The following HAGHL variants were observed in gnomAD, a reference collection of about 807,000 sequenced individuals.
The protein encoded by HAGHL is hydroxyacylglutathione hydrolase like, also known as hydroxyacylglutathione hydrolase-like protein.
HAGHL carries 27 observed loss-of-function variants against 29.2 expected under a neutral mutation model. The observed-to-expected ratio is 0.92, with a 90% CI of 0.68 to 1.27. The LOEUF is 1.27. HAGHL is among the 50% of genes most tolerant of loss of function. The pLI is 0.00. For synonymous variants in HAGHL, 223 were observed against 185.7 expected (o/e 1.20, Z -1.63); for missense variants, 529 against 405.5 (o/e 1.30, Z -2.62).
At chr16:729,206 T>C in intron 7 of HAGHL, 82 bp from the exon 8 acceptor site, 1 of 1,554,158 alleles carries the variant, frequency 6.4e-7, no homozygotes, top group South Asian at 1.2e-5. Flanking sequence ...GCTCATTAAG[T>C]GCCTGCCTGC....
Position 728,327 on chromosome 16 carries a change from C to A in HAGHL, c.300C>A (p.Ile100=). The change falls in exon 4 of 8, where the codon ATC becomes ATA. Residue 100 remains isoleucine, a synonymous_variant. Transcript: ENST00000389703. The part of the protein sequence containing the change: ...AHGEELRFGA[I]HVRCLLTPGH... ...CTCCTCCGCCGCAGTTCGGGGCCAT[C>A]CACGTGCGTTGCCTCCTGACGCCCG... is the stretch of plus-strand genomic sequence containing the variant. 6.4e-7 allele frequency: 1 copy of A among 1,559,180 alleles called. No homozygotes were observed. The highest frequency in any genetic ancestry group is 8.6e-7 in the Non-Finnish European group (1 of 1,156,890).
rs775988672 is a variant in HAGHL at position 729,327 on chromosome 16, C to T, written c.720C>T (p.Pro240=). The change falls in exon 8 of 8, where the codon CCC becomes CCT. Residue 240 remains proline (P), a synonymous_variant. Transcript: ENST00000389703. ...PVRKFTGKAV[P]ADVLEALCKE... ...GCAAGTTCACGGGCAAGGCGGTCCC[C>T]GCCGACGTCCTGGAGGCGCTATGCA... 1 of 1,533,264 alleles carries T rather than the reference C, an allele frequency of 6.5e-7. No individual in the cohort carries two copies. 95.0% of individuals were successfully genotyped at this position (1,533,264 alleles called of 1,614,324 possible).
At position 728,550 on chromosome 16, in the gene HAGHL, C is replaced by T; in HGVS notation, c.444C>T (p.Ser148=). 6.6e-7 allele frequency: 1 copy of T among 1,525,812 alleles called. No individual in the cohort carries two copies. Among genetic ancestry groups the T allele is most frequent in the Non-Finnish European group, 8.8e-7 (1 of 1,142,686 alleles). 94.5% of individuals were successfully genotyped at this position (1,525,812 alleles called of 1,614,324 possible). ...GCTGCGGCTCGTGCCTGGAGGGCAG[C>T]GCCCAGCAGATGTACCAGAGCCTGG... The part of the protein sequence containing the change: ...VAGCGSCLEG[S]AQQMYQSLAE... The change falls in exon 5 of 8, where the codon AGC becomes AGT. Residue 148 remains serine (S), a synonymous_variant. Coordinates refer to ENST00000389703, the MANE Select transcript of HAGHL (RefSeq NM_032304.4).
In HAGHL at chr16:728,682, CAG is replaced by C. The variant is rs2041192951; in HGVS notation, c.498+81_498+82del. 3.9e-6 allele frequency: 5 copies of C among 1,278,914 alleles called. No individual in the cohort carries two copies. The African/African-American group carries it at 5.8e-5, about 15-fold the overall frequency. The allele number at this position is 1,278,914 out of a possible 1,614,324, so 79.2% of individuals were successfully genotyped here. A position where few individuals can be genotyped will look rare whatever the true frequency, so the allele number is the denominator to read the frequency against. On this transcript the variant is annotated intron_variant, in intron 5 of 7. Transcript: ENST00000389703. ...CCGCACCCTCACTGTGCTAGGGGTGCAGAGTGAATGCCCACCTGAGGGCAGAC... is the reference window on the plus strand; with the variant it reads ...CCGCACCCTCACTGTGCTAGGGGTGCAGTGAATGCCCACCTGAGGGCAGAC...
rs1282636290 is a variant in HAGHL at position 728,516 on chromosome 16, C to G, written c.410C>G (p.Ser137Trp). The change falls in exon 5 of 8, where the codon TCG (serine) becomes TGG (tryptophan). Residue 137 changes from serine (S) to tryptophan (W), a missense_variant. Coordinates refer to ENST00000389703, the MANE Select transcript of HAGHL (RefSeq NM_032304.4). ...CCTCCCCCGCCAGGCGACGCGCTGTCGGTGGCCGGCTGCGGCTCGTGCCTG... is the reference window on the plus strand; with the variant it reads ...CCTCCCCCGCCAGGCGACGCGCTGTGGGTGGCCGGCTGCGGCTCGTGCCTG... Reference protein sequence around the residue: ...PPALFSGDALSVAGCGSCLEG... With the variant: ...PPALFSGDALWVAGCGSCLEG... The G allele has an allele frequency of 6.5e-6, 10 of 1,531,246 alleles. No homozygotes were observed. Among genetic ancestry groups the G allele is most frequent in the Non-Finnish European group, 8.7e-6 (10 of 1,144,814 alleles). The allele number at this position is 1,531,246 out of a possible 1,614,324, so 94.9% of individuals were successfully genotyped here.
In HAGHL at chr16:729,606, G is replaced by A. The variant is rs183595960; in HGVS notation, c.*150G>A. On this transcript the variant is annotated 3_prime_UTR_variant, in exon 8 of 8. Transcript: ENST00000389703. ...GAGGGTGGGCAACCTGGTGCTTCCC[G>A]GGTGGACACACAGGACCACTCAGTG... The A allele has an allele frequency of 6.0e-5, 92 of 1,530,088 alleles. No homozygotes were observed. In the African/African-American group the frequency reaches 7.1e-4, roughly 12 times the overall value. The allele number at this position is 1,530,088 out of a possible 1,614,324, so 94.8% of individuals were successfully genotyped here.
chr16:727,246 G>A lies in HAGHL; in HGVS notation c.-264G>A. 2 of 400,962 alleles carry A rather than the reference G, an allele frequency of 5.0e-6. No individual in the cohort carries two copies. Among genetic ancestry groups the A allele is most frequent in the South Asian group, 3.5e-5 (1 of 28,710 alleles). The allele number at this position is 400,962 out of a possible 1,614,324, so 24.8% of individuals were successfully genotyped here. Reference sequence around the variant, plus strand: ...CTGGGAGGAAGGCGTGGCCTTTGGGGACTGGGGCTCGGACTGGGGGCGGAG... The same window carrying A: ...CTGGGAGGAAGGCGTGGCCTTTGGGAACTGGGGCTCGGACTGGGGGCGGAG... On this transcript the variant is annotated 5_prime_UTR_variant, in exon 1 of 8. Transcript: ENST00000389703.
In HAGHL at chr16:729,294, G is replaced by A. The variant is rs1826532097; in HGVS notation, c.687G>A (p.Glu229=). ...ACTGCACCCCTCCCTGCAGAGAGGA[G>A]CCGGTGCGCAAGTTCACGGGCAAGG... is the stretch of plus-strand genomic sequence containing the variant. ...LYNPFLRVAE[E]PVRKFTGKAV... The change falls in exon 8 of 8, where the codon GAG becomes GAA. Residue 229 remains glutamate (E), a synonymous_variant. Coordinates refer to ENST00000389703, the MANE Select transcript of HAGHL (RefSeq NM_032304.4). 4 of 1,525,330 alleles carry A rather than the reference G, an allele frequency of 2.6e-6. No individual in the cohort carries two copies. Among genetic ancestry groups the A allele is most frequent in the Non-Finnish European group, 3.5e-6 (4 of 1,137,262 alleles). 94.5% of individuals were successfully genotyped at this position (1,525,330 alleles called of 1,614,324 possible). A position where few individuals can be genotyped will look rare whatever the true frequency, so the allele number is the denominator to read the frequency against.
At position 728,215 on chromosome 16, in the gene HAGHL, G is replaced by A. The variant is rs1039103773; in HGVS notation, c.270G>A (p.Ala90=). 6.9e-7 allele frequency: 1 copy of A among 1,456,352 alleles called. No homozygotes were observed. Among genetic ancestry groups the A allele is most frequent in the Admixed American group, 2.6e-5 (1 of 37,796 alleles). 90.2% of individuals were successfully genotyped at this position (1,456,352 alleles called of 1,614,324 possible). A position where few individuals can be genotyped will look rare whatever the true frequency, so the allele number is the denominator to read the frequency against. ...ERIFSLTRRL[A]HGEELRFGAI... Reference sequence around the variant, plus strand: ...TCTTCTCGCTGACGCGCAGGCTGGCGCACGGCGAGGAGCTGCGGGTGAGCG... The same window carrying A: ...TCTTCTCGCTGACGCGCAGGCTGGCACACGGCGAGGAGCTGCGGGTGAGCG... The change falls in exon 3 of 8, where the codon GCG becomes GCA. Residue 90 remains alanine, a synonymous_variant. Coordinates refer to ENST00000389703, the MANE Select transcript of HAGHL (RefSeq NM_032304.4).
intron 5 of HAGHL, 31 bp downstream of exon 5, chr16:728,635 C>T: frequency 5.9e-6 from 8 of 1,356,730 alleles, no homozygotes; most frequent in Non-Finnish European, 8.0e-6. Flanking sequence ...CCCTCTTCTC[C>T]CGTGGGCACA....
intron 6 of HAGHL, 30 bp downstream of exon 6, chr16:728,925 GGT>G: frequency 5.5e-6 from 7 of 1,281,110 alleles, no homozygotes; most frequent in Non-Finnish European, 6.3e-6. Flanking sequence ...GCGGCAAGAG[GGT>G]GGGGGGGGAG....
Position 728,780 on chromosome 16 carries a change from C to A in HAGHL, c.499-14C>A, listed in dbSNP as rs1425897318. The A allele has an allele frequency of 2.5e-5, 41 of 1,610,136 alleles. No individual in the cohort carries two copies. The highest frequency in any genetic ancestry group is 3.3e-5 in the Non-Finnish European group (39 of 1,178,518). On this transcript the variant is annotated splice_polypyrimidine_tract_variant and intron_variant, in intron 5 of 7. Transcript: ENST00000389703. ...CCTGGCCGCGTGCGCGCTCACCGAG[C>A]GCTCTTCCTCCAGAAGGTGTTCTGC...
At position 727,206 on chromosome 16, in the gene HAGHL, GC is replaced by G. The variant is rs2041023653; in HGVS notation, c.-302del. On this transcript the variant is annotated 5_prime_UTR_variant, in exon 1 of 8. Transcript: ENST00000389703. ...GGGTCTTGCGGCGGCAGGGCGGGGGGCCGAGGGGCGGGGCCTGGGAGGAAGG... is the reference window on the plus strand; with the variant it reads ...GGGTCTTGCGGCGGCAGGGCGGGGGGCGAGGGGCGGGGCCTGGGAGGAAGG... 3.4e-6 allele frequency: 1 copy of G among 290,978 alleles called. No individual in the cohort carries two copies. The highest frequency in any genetic ancestry group is 6.4e-6 in the Non-Finnish European group (1 of 156,084). The allele number at this position is 290,978 out of a possible 1,614,324, so 18.0% of individuals were successfully genotyped here.
rs904176272 is a variant in HAGHL at position 729,230 on chromosome 16, G to A, written c.681-58G>A. On this transcript the variant is annotated intron_variant, in intron 7 of 7. Transcript: ENST00000389703. ...GTGCCTGCCTGCCCGCCCACCCCTC[G>A]GCGCCATGCTCCCGCGTGGGCAGCG... The A allele has an allele frequency of 1.6e-5, 24 of 1,542,810 alleles. No homozygotes were observed. In the Admixed American group the frequency reaches 1.7e-4, roughly 11 times the overall value.
intron 1 of HAGHL, 58 bp downstream of exon 1, chr16:727,672 C>T (rs889697966): frequency 5.1e-6 from 6 of 1,177,840 alleles, no homozygotes; most frequent in Admixed American, 2.0e-5. Context: ...GCCTCCCCGA[C>T]CCCCCTGGTA....
rs2041144539 is a variant in HAGHL, at chr16:728,232, G to A, written c.287G>A (p.Arg96Gln). The change falls in exon 3 of 8, where the codon CGG becomes CAG. Residue 96 changes from arginine (R) to glutamine (Q), a missense_variant and splice_region_variant. Physicochemically the swap from Arg to Gln is conservative, Grantham distance 43. Coordinates refer to ENST00000389703, the MANE Select transcript of HAGHL (RefSeq NM_032304.4). ...TRRLAHGEEL[R>Q]FGAIHVRCLL... ...AGGCTGGCGCACGGCGAGGAGCTGC[G>A]GGTGAGCGCGCGCTCCCGGGAGGGG... The A allele has an allele frequency of 1.4e-6, 2 of 1,478,208 alleles. No homozygotes were observed. Among genetic ancestry groups the A allele is most frequent in the East Asian group, 2.8e-5 (1 of 35,586 alleles). The allele number at this position is 1,478,208 out of a possible 1,614,324, so 91.6% of individuals were successfully genotyped here.
Position 727,789 on chromosome 16 carries a change from C to T in HAGHL, c.105+175C>T. The stretch of plus-strand genomic sequence containing the variant: ...ACGGCACCTCTGGCCTCCGCCCTTT[C>T]GCTGCTGCCTGGCGGTCCCTGCACG... On this transcript the variant is annotated intron_variant, in intron 1 of 7. Coordinates refer to ENST00000389703, the MANE Select transcript of HAGHL (RefSeq NM_032304.4). 4 of 758,152 alleles carry T rather than the reference C, an allele frequency of 5.3e-6. No individual in the cohort carries two copies. The South Asian group carries it at 5.4e-5, about 10-fold the overall frequency. The allele number at this position is 758,152 out of a possible 1,614,324, so 47.0% of individuals were successfully genotyped here. A position where few individuals can be genotyped will look rare whatever the true frequency, so the allele number is the denominator to read the frequency against.
At position 729,541 on chromosome 16, in the gene HAGHL, A is replaced by T. The variant is rs1438939021; in HGVS notation, c.*85A>T. 8 of 1,533,456 alleles carry T rather than the reference A, an allele frequency of 5.2e-6. No homozygotes were observed. Among genetic ancestry groups the T allele is most frequent in the Non-Finnish European group, 7.0e-6 (8 of 1,145,772 alleles). The allele number at this position is 1,533,456 out of a possible 1,614,324, so 95.0% of individuals were successfully genotyped here. ...GACCCACATGAGGGCCACCTCTGGAACCTTCTTCGAGGCCCTGGCCAGCCA... is the reference window on the plus strand; with the variant it reads ...GACCCACATGAGGGCCACCTCTGGATCCTTCTTCGAGGCCCTGGCCAGCCA... On this transcript the variant is annotated 3_prime_UTR_variant, in exon 8 of 8. Transcript: ENST00000389703.
chr16:727,864 G>C, intron 1 of HAGHL, 101 bp from the exon 2 acceptor site: 1 of 1,288,994 alleles, frequency 7.8e-7, no homozygotes, highest in Non-Finnish European at 1.1e-6. Flanking sequence ...GGCGCTCCCC[G>C]GGGCTCTGGC....
Sources: gnomAD v4.1 joint callset for allele counts on GRCh38, gnomAD v4.1.1 for gene constraint, MANE v1.5 for transcripts, NCBI Gene and HGNC (gene_info 2026-07-23, HGNC 2026-07-21) for gene names.